GNA14: variants seen among roughly 807,000 people sequenced by gnomAD.
GNA14 encodes the protein guanine nucleotide-binding protein subunit alpha-14.
GNA14 carries 50 observed loss-of-function variants against 42.0 expected under a neutral mutation model. The observed-to-expected ratio is 1.19, with a 90% CI of 0.95 to 1.51. The LOEUF is 1.51. Ranked by LOEUF, GNA14 falls within the 40% of genes most tolerant of loss-of-function variation. The pLI, the probability that GNA14 is intolerant of heterozygous loss-of-function variation, is 0.00. For synonymous variants in GNA14, 173 were observed against 163.1 expected, an observed-to-expected ratio of 1.06 and a Z score of -0.46; for missense variants, 473 against 446.2, an observed-to-expected ratio of 1.06 and a Z score of -0.54.
intron 1 of GNA14, among the ~76,000 whole-genome samples, chr9:77,612,269 C>A (rs1823746936): frequency 6.6e-6 from 1 of 152,198 alleles, no homozygotes; most frequent in South Asian, 2.1e-4. Flanking sequence ...TAAGATTACA[C>A]CCACTCAAAG....
At chr9:77,506,027 GC>G (rs1181811493) in intron 2 of GNA14, among the ~76,000 whole-genome samples, 6 of 151,754 alleles carry the variant, frequency 4.0e-5, no homozygotes, top group Non-Finnish European at 8.8e-5. Context: ...ACTTTGGAAG[GC>G]CGAGGTGGGA....
intron 2 of GNA14, among the ~76,000 whole-genome samples, chr9:77,489,809 C>T (rs1836730013): frequency 6.6e-6 from 1 of 152,142 alleles, no homozygotes; most frequent in Non-Finnish European, 1.5e-5. Context: ...GTGAGTGTTA[C>T]AGCTCATAAA....
intron 2 of GNA14, among the ~76,000 whole-genome samples, chr9:77,488,153 T>A (rs188406878): frequency 6.6e-6 from 1 of 152,210 alleles, no homozygotes; most frequent in East Asian, 1.9e-4. Context: ...AACTCACATA[T>A]GAGGAGGATA....
intron 2 of GNA14, among the ~76,000 whole-genome samples, chr9:77,482,582 C>T (rs1021443066): frequency 1.3e-5 from 2 of 152,034 alleles, no homozygotes; most frequent in African/African-American, 4.8e-5. Flanking sequence ...TCTGTATTTC[C>T]TGAATCTGAA....
intron 2 of GNA14, among the ~76,000 whole-genome samples, chr9:77,510,362 G>C (rs986864435): frequency 3.9e-5 from 6 of 152,112 alleles, no homozygotes; most frequent in African/African-American, 1.4e-4. Flanking sequence ...TTTTGAGACA[G>C]TCTTGCTCTG....
intron 2 of GNA14, among the ~76,000 whole-genome samples, chr9:77,482,216 C>CTAACTTTCAAACTAGAATTCAATA (rs1554690930): frequency 2.0e-5 from 3 of 152,098 alleles, no homozygotes; most frequent in Non-Finnish European, 4.4e-5. Flanking sequence ...TTTAGTGCTT[C>CTAACTTTCAAACTAGAATTCAATA]CTTCAGGAGC....
chr9:77,538,653 TA>T (rs896874066), intron 1 of GNA14, among the ~76,000 whole-genome samples: 11 of 152,218 alleles, frequency 7.2e-5, no homozygotes, highest in Non-Finnish European at 1.6e-4. Context: ...CCTCACTGAT[TA>T]AATTTATTCC....
intron 2 of GNA14, among the ~76,000 whole-genome samples, chr9:77,439,535 G>C (rs66501550): frequency 0.12 from 18,510 of 152,280 alleles, 1,242 homozygotes; most frequent in African/African-American, 0.17. Context: ...TACTCAGGAG[G>C]CTGAGGTGGG....
chr9:77,426,137 G>A (rs1835450238), intron 5 of GNA14, among the ~76,000 whole-genome samples: 2 of 152,104 alleles, frequency 1.3e-5, no homozygotes, highest in South Asian at 2.1e-4. Context: ...CTTCCAGACT[G>A]GGCCTCAGCA....
intron 3 of GNA14, among the ~76,000 whole-genome samples, chr9:77,432,050 T>C (rs1835563990): frequency 6.6e-6 from 1 of 151,318 alleles, no homozygotes; most frequent in Non-Finnish European, 1.5e-5. Context: ...TGGCCATATA[T>C]TGAAGCCCTG....
chr9:77,456,396 C>G (rs1373139303), intron 2 of GNA14: 6 of 152,244 alleles, frequency 3.9e-5, no homozygotes, highest in Non-Finnish European at 8.8e-5. Flanking sequence ...TTCTGCACAT[C>G]TTGCCTGGCA....
intron 1 of GNA14, among the ~76,000 whole-genome samples, chr9:77,630,746 G>A (rs1349474730): frequency 6.6e-6 from 1 of 152,076 alleles, no homozygotes; most frequent in African/African-American, 2.4e-5. Flanking sequence ...AATAAAGTCA[G>A]TATCAACTAA....
chr9:77,477,784 T>G (rs1246393052), intron 2 of GNA14, among the ~76,000 whole-genome samples: 2 of 152,050 alleles, frequency 1.3e-5, no homozygotes, highest in African/African-American at 4.8e-5. Context: ...AGAAAAATCT[T>G]GGAAACAAGA....
At chr9:77,461,700 A>G (rs1346320498) in intron 2 of GNA14, among the ~76,000 whole-genome samples, 1 of 152,176 alleles carries the variant, frequency 6.6e-6, no homozygotes, top group African/African-American at 2.4e-5. Flanking sequence ...TTGGCAATAT[A>G]TACCCCCCAA....
intron 2 of GNA14, among the ~76,000 whole-genome samples, chr9:77,450,754 G>A (rs1349835749): frequency 1.3e-5 from 2 of 151,808 alleles, no homozygotes; most frequent in Non-Finnish European, 2.9e-5. Flanking sequence ...ATCACATCTT[G>A]AACTGTAGCT....
intron 2 of GNA14, among the ~76,000 whole-genome samples, chr9:77,461,743 G>A (rs1836110731): frequency 7.9e-6 from 1 of 126,950 alleles, no homozygotes; most frequent in African/African-American, 3.9e-5. Context: ...TGCGTTTACT[G>A]TTAGAATTTC....
chr9:77,580,780 A>G (rs985064379), intron 1 of GNA14, among the ~76,000 whole-genome samples: 1 of 152,186 alleles, frequency 6.6e-6, no homozygotes, highest in South Asian at 2.1e-4. Flanking sequence ...GGTGTTGTGC[A>G]TGATGTTTGG....
chr9:77,486,066 A>G (rs1216523544), intron 2 of GNA14, among the ~76,000 whole-genome samples: 1 of 152,232 alleles, frequency 6.6e-6, no homozygotes, highest in Non-Finnish European at 1.5e-5. Context: ...TCTTGCTATG[A>G]AAGTCCTGGA....
At chr9:77,572,398 C>T (rs1429105931) in intron 1 of GNA14, among the ~76,000 whole-genome samples, 2 of 152,110 alleles carry the variant, frequency 1.3e-5, no homozygotes, top group Non-Finnish European at 2.9e-5. Flanking sequence ...TACCTTTAGA[C>T]ATTTCTTTTT....
Sources: allele counts gnomAD v4.1 joint callset (sites outside exome capture counted in the v4.1 genomes callset), GRCh38; gene constraint gnomAD v4.1.1; transcripts MANE v1.5; gene names NCBI Gene and HGNC (gene_info 2026-07-23, HGNC 2026-07-21).